The following EFCAB6 variants were observed in gnomAD, a reference collection of about 807,000 sequenced individuals.
EFCAB6 encodes EF-hand calcium-binding domain-containing protein 6.
EFCAB6 carries 156 observed loss-of-function variants against 169.8 expected under a neutral mutation model. The ratio of observed to expected loss-of-function variants is 0.92; its 90% CI spans 0.81 to 1.05. The LOEUF is 1.05. Among genes scored for constraint, EFCAB6 ranks in the 50% least tolerant of loss-of-function variants. EFCAB6 has a pLI of 0.00. For missense variants in EFCAB6, 1,800 were observed against 1,829.1 expected, an observed-to-expected ratio of 0.98 and a Z score of 0.29; for synonymous variants, 698 against 676.4, an observed-to-expected ratio of 1.03 and a Z score of -0.50.
At chr22:43,810,907 A>T (rs1291727330) in intron 1 of EFCAB6, among the ~76,000 whole-genome samples, 1 of 152,236 alleles carries the variant, frequency 6.6e-6, no homozygotes, top group African/African-American at 2.4e-5. Context: ...TCATATCCCC[A>T]GAACTTAGCC....
intron 6 of EFCAB6, among the ~76,000 whole-genome samples, chr22:43,737,325 C>T (rs2060178335): frequency 6.6e-6 from 1 of 152,000 alleles, no homozygotes; most frequent in Non-Finnish European, 1.5e-5. Context: ...CACTCACACA[C>T]ACACATATTC....
intron 26 of EFCAB6, among the ~76,000 whole-genome samples, chr22:43,566,846 G>C (rs2049469187): frequency 7.4e-6 from 1 of 134,548 alleles, no homozygotes; most frequent in Non-Finnish European, 1.6e-5. Context: ...CAAGGGTGGA[G>C]TGGACCACCT....
intron 27 of EFCAB6, chr22:43,554,658 G>A: frequency 1.7e-6 from 1 of 582,366 alleles, no homozygotes; most frequent in Non-Finnish European, 3.0e-6. Flanking sequence ...AACAGTGACA[G>A]TATTTGTACC....
chr22:43,786,623 G>A (rs770554529), intron 2 of EFCAB6, among the ~76,000 whole-genome samples: 134 of 152,124 alleles, frequency 8.8e-4, no homozygotes, highest in Middle Eastern at 6.8e-3. Context: ...TCGGGTGGCT[G>A]AGGCAGCATG....
chr22:43,643,543 G>A (rs2055944704), intron 17 of EFCAB6, among the ~76,000 whole-genome samples: 1 of 152,250 alleles, frequency 6.6e-6, no homozygotes, highest in African/African-American at 2.4e-5. Context: ...CTGCAACCCA[G>A]CTCTGGCAGC....
At chr22:43,622,058 A>T (rs1182971938) in intron 20 of EFCAB6, among the ~76,000 whole-genome samples, 1 of 152,214 alleles carries the variant, frequency 6.6e-6, no homozygotes, top group African/African-American at 2.4e-5. Context: ...CCAACAAAGG[A>T]CATTCCAGGA....
At chr22:43,553,222 G>C (rs1018818655) in intron 27 of EFCAB6, 1 of 152,346 alleles carries the variant, frequency 6.6e-6, no homozygotes, top group African/African-American at 2.4e-5. Context: ...TTTTGGAGGC[G>C]AAAGAGTGAC....
At chr22:43,530,742 C>T (rs1458503593) in intron 31 of EFCAB6, 73 bp downstream of exon 31, 2 of 1,595,448 alleles carry the variant, frequency 1.3e-6, no homozygotes, top group East Asian at 2.2e-5. Context: ...GAGGGCTCCC[C>T]GTGGGAAGTT....
At chr22:43,672,327 T>A (rs1230641531) in intron 13 of EFCAB6, 22 bp from the exon 14 acceptor site, 7 of 1,612,332 alleles carry the variant, frequency 4.3e-6, no homozygotes, top group Non-Finnish European at 5.1e-6. Context: ...AGAGAAAGTA[T>A]ATAAATAAAT....
intron 21 of EFCAB6, 100 bp downstream of exon 21, chr22:43,615,726 C>T: frequency 1.0e-6 from 1 of 1,001,624 alleles, no homozygotes; most frequent in Non-Finnish European, 1.5e-6. Flanking sequence ...GAGTTGTTTT[C>T]CCATCTTAGC....
chr22:43,587,647 G>A (rs940556018), intron 24 of EFCAB6, among the ~76,000 whole-genome samples: 1 of 152,202 alleles, frequency 6.6e-6, no homozygotes, highest in African/African-American at 2.4e-5. Context: ...GGCATTGAAG[G>A]CCCATCCAGA....
At chr22:43,549,120 G>T (rs890794618) in intron 27 of EFCAB6, among the ~76,000 whole-genome samples, 1 of 152,080 alleles carries the variant, frequency 6.6e-6, no homozygotes, top group African/African-American at 2.4e-5. Context: ...CAGCTAAAGT[G>T]GTAATTAGAA....
At position 43,540,269 on chromosome 22, in the gene EFCAB6, G is replaced by A; in HGVS notation, c.3737C>T (p.Ala1246Val). 6.2e-7 allele frequency: 1 copy of A among 1,614,244 alleles called. No homozygotes were observed. Among genetic ancestry groups the A allele is most frequent in the Non-Finnish European group, 8.5e-7 (1 of 1,180,048 alleles). ...GTCACCAGTGGCCATTGGTGTGGCT[G>A]CTGTCTCGGAACTGAACCTGCTCAG... ...DFLSRFSSET[A>V]ATPMATGDSA... The change falls in exon 28 of 32, where the codon GCA becomes GTA. Residue 1246 changes from alanine to valine, a missense_variant. By Grantham distance (64) the Ala-to-Val change is moderately conservative. Coordinates refer to ENST00000262726, the MANE Select transcript of EFCAB6 (RefSeq NM_022785.4).
chr22:43,729,672 T>C (rs1050134586), intron 8 of EFCAB6, among the ~76,000 whole-genome samples: 1 of 152,158 alleles, frequency 6.6e-6, no homozygotes, highest in Non-Finnish European at 1.5e-5. Context: ...AGAATCTCTC[T>C]ATAAGAACGT....
chr22:43,684,599 A>C (rs713913), intron 11 of EFCAB6, among the ~76,000 whole-genome samples: 145,122 of 152,278 alleles, frequency 0.95, 69,173 homozygotes, highest in East Asian at 0.98. Context: ...GAACCATTCT[A>C]AGATTTGTTT....
chr22:43,571,913 T>A (rs1197035329), intron 26 of EFCAB6, among the ~76,000 whole-genome samples: 1 of 152,226 alleles, frequency 6.6e-6, no homozygotes, highest in Non-Finnish European at 1.5e-5. Context: ...TTACTCGTCC[T>A]CCTGGTAAAT....
intron 30 of EFCAB6, among the ~76,000 whole-genome samples, chr22:43,534,471 C>T (rs1227659670): frequency 6.6e-6 from 1 of 152,020 alleles, no homozygotes; most frequent in African/African-American, 2.4e-5. Flanking sequence ...CACAAAAATA[C>T]AAAAATTAGC....
chr22:43,554,830 C>A (rs2048601809), intron 27 of EFCAB6, 39 bp downstream of exon 27: 1 of 1,581,782 alleles, frequency 6.3e-7, no homozygotes, highest in Non-Finnish European at 8.7e-7. Flanking sequence ...GACGCTCAGC[C>A]AACGGTGTGC....
intron 27 of EFCAB6, among the ~76,000 whole-genome samples, chr22:43,541,467 C>A (rs4823134): frequency 0.14 from 21,116 of 152,220 alleles, 1,570 homozygotes; most frequent in Middle Eastern, 0.19. Context: ...CCTGCAGTTT[C>A]TCCCCAGGCT....
Sources: allele counts gnomAD v4.1 joint callset (sites outside exome capture counted in the v4.1 genomes callset), GRCh38; gene constraint gnomAD v4.1.1; transcripts MANE v1.5; gene names NCBI Gene and HGNC (gene_info 2026-07-23, HGNC 2026-07-21).